TCF12: variants seen among roughly 807,000 people sequenced by gnomAD.
TCF12 encodes DNA-binding protein HTF4.
A neutral mutation model predicts 86.0 loss-of-function variants in TCF12; 45 were observed. The ratio of observed to expected loss-of-function variants is 0.52; its 90% CI spans 0.41 to 0.67. The LOEUF (loss-of-function observed/expected upper bound fraction) is 0.67, where lower values mean the gene tolerates loss of function less well. Ranked by LOEUF, TCF12 falls within the 30% of genes least tolerant of loss-of-function variation. The pLI, the probability that TCF12 is intolerant of heterozygous loss-of-function variation, is 0.00. For missense variants in TCF12, 881 were observed against 859.9 expected, an observed-to-expected ratio of 1.02 and a Z score of -0.31; for synonymous variants, 330 against 299.6, an observed-to-expected ratio of 1.10 and a Z score of -1.05.
In TCF12 at chr15:57,106,944, A is replaced by G. The variant is rs554613607; in HGVS notation, c.325+15053A>G. Among the ~76,000 whole-genome samples, 6 of 152,386 alleles carry G rather than the reference A, an allele frequency of 3.9e-5. No individual in the cohort carries two copies. The South Asian group carries it at 1.2e-3, about 32-fold the overall frequency. ...AGTGCTGGTAACAATACGGAGCAAC[A>G]GGAATTCTTGTTCGTTGCTGGTGGG... is the stretch of plus-strand genomic sequence containing the variant. On this transcript the variant is annotated intron_variant, in intron 5 of 20. Coordinates refer to ENST00000333725, the MANE Select transcript of TCF12 (RefSeq NM_207037.2).
At chr15:57,086,241 T>TAATAATAATAATAATA (rs1468422719) in intron 4 of TCF12, among the ~76,000 whole-genome samples, 1 of 147,114 alleles carries the variant, frequency 6.8e-6, no homozygotes, top group Admixed American at 6.8e-5. Flanking sequence ...ATAATAATAA[T>TAATAATAATAATAATA]ATAATGACTA....
intron 8 of TCF12, among the ~76,000 whole-genome samples, chr15:57,202,178 T>C (rs1301426895): frequency 1.3e-5 from 2 of 152,280 alleles, no homozygotes; most frequent in East Asian, 1.9e-4. Context: ...AAATCACACA[T>C]AGGGCCAAGA....
chr15:56,988,918 T>A (rs994203357), intron 3 of TCF12, among the ~76,000 whole-genome samples: 1 of 152,178 alleles, frequency 6.6e-6, no homozygotes, highest in Non-Finnish European at 1.5e-5. Flanking sequence ...ACTCAATAGC[T>A]AAATTTAAGT....
intron 3 of TCF12, among the ~76,000 whole-genome samples, chr15:56,985,939 A>G (rs762412294): frequency 2.6e-5 from 4 of 152,194 alleles, no homozygotes; most frequent in African/African-American, 9.6e-5. Context: ...ATTTTTATCA[A>G]TTTAAACTGT....
chr15:56,957,835 TA>T (rs1228795997), intron 3 of TCF12, among the ~76,000 whole-genome samples: 1 of 152,236 alleles, frequency 6.6e-6, no homozygotes, highest in Admixed American at 6.5e-5. Flanking sequence ...GGAATTTAGC[TA>T]AATTACTTTG....
intron 5 of TCF12, among the ~76,000 whole-genome samples, chr15:57,109,889 G>A (rs181291024): frequency 3.3e-5 from 5 of 152,124 alleles, no homozygotes; most frequent in East Asian, 1.9e-4. Flanking sequence ...TCTAGAAAGC[G>A]TTAATTTGTG....
At chr15:57,252,640 A>G in intron 15 of TCF12, 148 bp downstream of exon 15, 1 of 654,518 alleles carries the variant, frequency 1.5e-6, no homozygotes, top group Non-Finnish European at 2.5e-6. Context: ...TATAGGAATA[A>G]TTTTGTCTCT....
intron 3 of TCF12, among the ~76,000 whole-genome samples, chr15:56,986,242 C>G (rs1181340637): frequency 6.6e-6 from 1 of 152,016 alleles, no homozygotes; most frequent in African/African-American, 2.4e-5. Flanking sequence ...AAATAAATTA[C>G]CTTATATTGC....
At chr15:57,240,633 G>T (rs2059574447) in intron 12 of TCF12, among the ~76,000 whole-genome samples, 1 of 152,132 alleles carries the variant, frequency 6.6e-6, no homozygotes, top group Non-Finnish European at 1.5e-5. Context: ...TGTAATCCCA[G>T]CACTTTGGGA....
chr15:57,232,827 C>T lies in TCF12; in HGVS notation c.941C>T (p.Pro314Leu). Reference protein sequence around the residue: ...SSPYVAASHTPPINGSDSILG... With the variant: ...SSPYVAASHTLPINGSDSILG... ...CCTTACGTTGCTGCCTCACACACTC[C>T]TCCCATCAATGGATCAGACAGCATT... Residue 314 changes from proline to leucine, a missense_variant, in exon 11 of 21, where the codon CCT becomes CTT. Physicochemically the swap from Pro to Leu is moderately conservative, Grantham distance 98. Transcript: ENST00000333725. 6.2e-7 allele frequency: 1 copy of T among 1,608,692 alleles called. No homozygotes were observed. The highest frequency in any genetic ancestry group is 8.5e-7 in the Non-Finnish European group (1 of 1,177,480).
chr15:57,033,873 G>C, intron 3 of TCF12, among the ~76,000 whole-genome samples: 1 of 152,132 alleles, frequency 6.6e-6, no homozygotes. Context: ...AAATAAGAAT[G>C]GTTTAGAAAT....
chr15:57,038,831 G>A (rs9302200), intron 3 of TCF12, among the ~76,000 whole-genome samples: 41,650 of 152,082 alleles, frequency 0.27, 7,121 homozygotes, highest in African/African-American at 0.48. Flanking sequence ...AGACATAGAG[G>A]TAAACATTAG....
chr15:57,106,668 A>G lies in TCF12; in HGVS notation c.325+14777A>G, dbSNP rs759317709. Among the ~76,000 whole-genome samples the G allele has an allele frequency of 1.6e-4, 24 of 152,238 alleles. 1 individual carries two copies. The highest frequency in any genetic ancestry group is 7.2e-4 in the Admixed American group (11 of 15,286). On this transcript the variant is annotated intron_variant, in intron 5 of 20. Coordinates refer to ENST00000333725, the MANE Select transcript of TCF12 (RefSeq NM_207037.2). The stretch of plus-strand genomic sequence containing the variant: ...GGATATAAAAATATTTGGAAAAGAC[A>G]TGTCTCATAAAGGACTACTGTTCAA...
chr15:57,155,552 T>C (rs1280469751), intron 5 of TCF12, among the ~76,000 whole-genome samples: 1 of 152,156 alleles, frequency 6.6e-6, no homozygotes, highest in African/African-American at 2.4e-5. Context: ...CCCATCACTT[T>C]GAGAGACTGA....
intron 16 of TCF12, among the ~76,000 whole-genome samples, chr15:57,257,727 A>T (rs1349389698): frequency 6.6e-6 from 1 of 150,886 alleles, no homozygotes; most frequent in African/African-American, 2.4e-5. Context: ...GTCAGCTCCC[A>T]GCCTGCAGTA....
chr15:57,146,790 C>T (rs1225693594), intron 5 of TCF12, among the ~76,000 whole-genome samples: 1 of 152,036 alleles, frequency 6.6e-6, no homozygotes, highest in Non-Finnish European at 1.5e-5. Flanking sequence ...CATTTGGGAA[C>T]CTTTCATTGT....
intron 5 of TCF12, among the ~76,000 whole-genome samples, chr15:57,149,227 C>T (rs2053577521): frequency 6.6e-6 from 1 of 152,068 alleles, no homozygotes; most frequent in Non-Finnish European, 1.5e-5. Context: ...TTTTCATGCC[C>T]TGTGGTTATC....
chr15:57,218,725 G>T (rs2058440998), intron 8 of TCF12, among the ~76,000 whole-genome samples: 1 of 152,112 alleles, frequency 6.6e-6, no homozygotes, highest in South Asian at 2.1e-4. Flanking sequence ...AGAATTCAAG[G>T]AGCTTTATAA....
At chr15:57,126,987 T>TA (rs1485424018) in intron 5 of TCF12, among the ~76,000 whole-genome samples, 1 of 149,760 alleles carries the variant, frequency 6.7e-6, no homozygotes, top group African/African-American at 2.4e-5. Context: ...TTCTTTTCTT[T>TA]TTTTTTTTTT....
Sources: allele counts gnomAD v4.1 joint callset (sites outside exome capture counted in the v4.1 genomes callset), GRCh38; gene constraint gnomAD v4.1.1; transcripts MANE v1.5; gene names NCBI Gene and HGNC (gene_info 2026-07-23, HGNC 2026-07-21).